Variants in RUNX1T1 observed in about 807,000 individuals in gnomAD.
RUNX1T1 encodes the protein RUNX1 partner transcriptional co-repressor 1.
A neutral mutation model predicts 62.8 loss-of-function variants in RUNX1T1; 4 were observed. The ratio of observed to expected loss-of-function variants is 0.06; its 90% CI spans 0.03 to 0.15. The LOEUF (loss-of-function observed/expected upper bound fraction) is 0.15. Among genes scored for constraint, RUNX1T1 ranks in the 10% least tolerant of loss-of-function variants. The pLI is 1.00. For synonymous variants in RUNX1T1, 291 were observed against 286.0 expected (o/e 1.02, Z -0.18); for missense variants, 508 against 754.3 (o/e 0.67, Z 3.82).
At chr8:92,083,352 C>T (rs1221487316) in intron 1 of RUNX1T1, among the ~76,000 whole-genome samples, 3 of 152,130 alleles carry the variant, frequency 2.0e-5, no homozygotes, top group Non-Finnish European at 4.4e-5. Flanking sequence ...ATCTACCCAT[C>T]TGACAAAGGG....
intron 5 of RUNX1T1, chr8:92,003,218 G>C (rs1031537989): frequency 5.1e-6 from 2 of 390,842 alleles, no homozygotes; most frequent in African/African-American, 2.1e-5. Flanking sequence ...CACAGCGACA[G>C]AGCATCAAAA....
chr8:92,028,370 T>C (rs1303458849), intron 1 of RUNX1T1, among the ~76,000 whole-genome samples: 1 of 152,110 alleles, frequency 6.6e-6, no homozygotes, highest in Non-Finnish European at 1.5e-5. Context: ...ATGCCAGGCA[T>C]TACTTGTATG....
intron 1 of RUNX1T1, among the ~76,000 whole-genome samples, chr8:92,039,885 T>C (rs955282076): frequency 1.3e-5 from 2 of 152,160 alleles, no homozygotes; most frequent in Non-Finnish European, 2.9e-5. Flanking sequence ...TCATTGACAC[T>C]GTGGCCCATC....
At chr8:91,977,857 C>T (rs867780051) in intron 8 of RUNX1T1, among the ~76,000 whole-genome samples, 27 of 152,188 alleles carry the variant, frequency 1.8e-4, no homozygotes, top group Admixed American at 3.3e-4. Flanking sequence ...GGCACGATCA[C>T]AGCTCACTGC....
chr8:92,098,761 C>T (rs1837903696), intron 1 of RUNX1T1, among the ~76,000 whole-genome samples: 1 of 152,124 alleles, frequency 6.6e-6, no homozygotes, highest in African/African-American at 2.4e-5. Flanking sequence ...TTCTTTGGCC[C>T]TAATCTATAA....
chr8:92,089,877 C>T (rs1456333352), intron 1 of RUNX1T1, among the ~76,000 whole-genome samples: 2 of 145,010 alleles, frequency 1.4e-5, no homozygotes, highest in East Asian at 4.1e-4. Context: ...TGATCCCTTT[C>T]CCAGTTAGAT....
At chr8:91,970,917 T>A in intron 9 of RUNX1T1, 69 bp from the exon 11 acceptor site, 1 of 1,294,884 alleles carries the variant, frequency 7.7e-7, no homozygotes, top group South Asian at 1.8e-5. Context: ...TGGATACGGA[T>A]TACTTTTCTT....
At chr8:92,059,308 A>G (rs1372185608) in intron 1 of RUNX1T1, among the ~76,000 whole-genome samples, 1 of 152,140 alleles carries the variant, frequency 6.6e-6, no homozygotes, top group Admixed American at 6.5e-5. Flanking sequence ...AATAGCATTT[A>G]GATGCATCTA....
At chr8:92,045,898 C>G (rs1829306468) in intron 1 of RUNX1T1, among the ~76,000 whole-genome samples, 1 of 152,104 alleles carries the variant, frequency 6.6e-6, no homozygotes, top group African/African-American at 2.4e-5. Context: ...TGAGAGGATA[C>G]CTATATAGCC....
At chr8:92,046,392 C>G (rs1271196601) in intron 1 of RUNX1T1, among the ~76,000 whole-genome samples, 1 of 152,264 alleles carries the variant, frequency 6.6e-6, no homozygotes, top group East Asian at 1.9e-4. Context: ...CAAAATCTCA[C>G]TATGTCACCC....
intron 1 of RUNX1T1, among the ~76,000 whole-genome samples, chr8:92,060,922 TGAGAGAGA>T (rs56103756): frequency 1.4e-5 from 2 of 146,418 alleles, no homozygotes; most frequent in East Asian, 2.0e-4. Context: ...ACACAGTTGA[TGAGAGAGA>T]GAGAGAGAGA....
At chr8:92,075,070 G>C (rs1834217672) in intron 2 of RUNX1T1, among the ~76,000 whole-genome samples, 2 of 152,212 alleles carry the variant, frequency 1.3e-5, no homozygotes, top group Non-Finnish European at 2.9e-5. Context: ...GTGGATGCTA[G>C]CAGTGATGTT....
intron 9 of RUNX1T1, among the ~76,000 whole-genome samples, chr8:91,973,744 C>T (rs1813336167): frequency 6.6e-6 from 1 of 151,970 alleles, no homozygotes; most frequent in South Asian, 2.1e-4. Context: ...TGACACTGAA[C>T]ACTAGAAATG....
chr8:92,023,889 GT>G (rs1160153386), intron 1 of RUNX1T1, among the ~76,000 whole-genome samples: 1 of 152,116 alleles, frequency 6.6e-6, no homozygotes. Flanking sequence ...GGCAGTATCA[GT>G]CCTTCTCCAA....
At chr8:92,075,088 C>T (rs1176337259) in intron 2 of RUNX1T1, among the ~76,000 whole-genome samples, 1 of 152,202 alleles carries the variant, frequency 6.6e-6, no homozygotes, top group Non-Finnish European at 1.5e-5. Flanking sequence ...GTTTCCAGAA[C>T]AGTGGTCACC....
At chr8:91,969,934 G>C (rs1016193115) in intron 10 of RUNX1T1, among the ~76,000 whole-genome samples, 3 of 151,860 alleles carry the variant, frequency 2.0e-5, no homozygotes, top group African/African-American at 7.3e-5. Flanking sequence ...CTATTCTGCT[G>C]ATTTTGCAGG....
chr8:92,089,514 C>CT (rs1836645945), intron 1 of RUNX1T1, among the ~76,000 whole-genome samples: 1 of 152,074 alleles, frequency 6.6e-6, no homozygotes, highest in Non-Finnish European at 1.5e-5. Context: ...CGAGTCCAAA[C>CT]TTTGAGACCG....
intron 1 of RUNX1T1, among the ~76,000 whole-genome samples, chr8:92,082,537 C>T (rs1370711668): frequency 6.6e-6 from 1 of 152,140 alleles, no homozygotes; most frequent in Admixed American, 6.5e-5. Context: ...CCTTGAGGCC[C>T]CACACACAGC....
chr8:91,984,923 C>A (rs895475152), intron 8 of RUNX1T1, among the ~76,000 whole-genome samples: 1 of 152,136 alleles, frequency 6.6e-6, no homozygotes, highest in Admixed American at 6.5e-5. Flanking sequence ...CTGCCTTAGA[C>A]TCTTTCATTA....
Sources: allele counts gnomAD v4.1 joint callset (sites outside exome capture counted in the v4.1 genomes callset), GRCh38; gene constraint gnomAD v4.1.1; transcripts MANE v1.5; gene names NCBI Gene and HGNC (gene_info 2026-07-23, HGNC 2026-07-21).